The following TRAPPC8 variants were observed in gnomAD, a reference collection of about 807,000 sequenced individuals.
TRAPPC8 encodes the protein general sporulation gene 1 homolog.
Under a neutral mutation model 174.3 loss-of-function variants are expected in TRAPPC8, and 54 were observed. The observed-to-expected ratio is 0.31, with a 90% CI of 0.25 to 0.39. TRAPPC8 has a LOEUF of 0.39. TRAPPC8 is among the 10% of genes least tolerant of loss of function. The pLI, the probability that TRAPPC8 is intolerant of heterozygous loss-of-function variation, is 1.00. For synonymous variants in TRAPPC8, 630 were observed against 579.9 expected (o/e 1.09, Z -1.24); for missense variants, 1,531 against 1,699.1 (o/e 0.90, Z 1.74).
At chr18:31,919,762 G>A (rs1379771695) in intron 2 of TRAPPC8, among the ~76,000 whole-genome samples, 1 of 151,756 alleles carries the variant, frequency 6.6e-6, no homozygotes, top group Non-Finnish European at 1.5e-5. Context: ...TCGAGAGGCT[G>A]AGGTGGGAGG....
chr18:31,875,461 G>C (rs1057291363), intron 12 of TRAPPC8, among the ~76,000 whole-genome samples: 2 of 151,996 alleles, frequency 1.3e-5, no homozygotes, highest in Non-Finnish European at 2.9e-5. Context: ...CCAGTGTTGT[G>C]ACCACTGAAA....
At chr18:31,906,270 T>G (rs1247669304) in intron 9 of TRAPPC8, among the ~76,000 whole-genome samples, 12 of 123,844 alleles carry the variant, frequency 9.7e-5, no homozygotes, top group East Asian at 2.2e-4. Context: ...ACCCGGGAGG[T>G]GGAGGTTGCC....
At chr18:31,937,085 G>C (rs1249291958) in intron 1 of TRAPPC8, among the ~76,000 whole-genome samples, 1 of 151,482 alleles carries the variant, frequency 6.6e-6, no homozygotes, top group Non-Finnish European at 1.5e-5. Context: ...GTGGTGGTGG[G>C]CGCCTATAGT....
At chr18:31,875,985 C>T (rs978310569) in intron 12 of TRAPPC8, among the ~76,000 whole-genome samples, 1 of 152,018 alleles carries the variant, frequency 6.6e-6, no homozygotes, top group Admixed American at 6.6e-5. Flanking sequence ...TAAGACCTAG[C>T]GTTAGACAGA....
intron 10 of TRAPPC8, among the ~76,000 whole-genome samples, chr18:31,899,306 G>C (rs575186289): frequency 9.5e-4 from 145 of 152,256 alleles, no homozygotes; most frequent in African/African-American, 3.3e-3. Context: ...GATAACAATA[G>C]CATTCACGAT....
At chr18:31,909,610 C>A in intron 6 of TRAPPC8, 57 bp downstream of exon 6, 1 of 1,564,196 alleles carries the variant, frequency 6.4e-7, no homozygotes, top group Middle Eastern at 1.7e-4. Flanking sequence ...TTAGCATGAT[C>A]TGACAACAGT....
At chr18:31,888,748 T>C (rs977308790) in intron 12 of TRAPPC8, among the ~76,000 whole-genome samples, 1 of 151,982 alleles carries the variant, frequency 6.6e-6, no homozygotes, top group Non-Finnish European at 1.5e-5. Context: ...CAACACACAC[T>C]GGGGCCTGTT....
At chr18:31,908,202 C>CT in intron 8 of TRAPPC8, 101 bp downstream of exon 8, 1 of 602,882 alleles carries the variant, frequency 1.7e-6, no homozygotes, top group East Asian at 3.4e-5. Flanking sequence ...CAATAAGAAA[C>CT]TAAGAAATTA....
At position 31,862,195 on chromosome 18, in the gene TRAPPC8, T is replaced by C. The variant is rs2034363018; in HGVS notation, c.2745+2432A>G. On this transcript the variant is annotated intron_variant, in intron 19 of 28. Transcript: ENST00000283351. The stretch of plus-strand genomic sequence containing the variant: ...ACTCCTGACTCATTTCAATTCATCA[T>C]CAGCTTTTTAACTCCTAGGCTTTAC... Among the ~76,000 whole-genome samples the C allele has an allele frequency of 2.0e-5, 3 of 152,276 alleles. 1 individual carries two copies. Among genetic ancestry groups the C allele is most frequent in the Admixed American group, 2.0e-4 (3 of 15,294 alleles).
intron 13 of TRAPPC8, chr18:31,874,173 TTG>T (rs2035027875): frequency 2.5e-6 from 1 of 402,134 alleles, no homozygotes. Context: ...GTAAAATCAG[TTG>T]TGAGTCTATA....
chr18:31,897,681 C>A, intron 11 of TRAPPC8, 105 bp downstream of exon 11: 1 of 776,158 alleles, frequency 1.3e-6, no homozygotes, highest in Non-Finnish European at 1.8e-6. Flanking sequence ...GACAGATTTC[C>A]CTGGCTAATT....
chr18:31,935,940 T>C (rs181437065), intron 1 of TRAPPC8, among the ~76,000 whole-genome samples: 26 of 151,758 alleles, frequency 1.7e-4, no homozygotes, highest in East Asian at 1.6e-3. Context: ...GGTTTCGCCA[T>C]GTTGGCCACG....
chr18:31,880,522 CA>C (rs1225269929), intron 12 of TRAPPC8, among the ~76,000 whole-genome samples: 3 of 151,972 alleles, frequency 2.0e-5, no homozygotes, highest in Admixed American at 6.6e-5. Flanking sequence ...CCATATATGA[CA>C]AACTCACAGC....
intron 7 of TRAPPC8, 127 bp downstream of exon 7, chr18:31,908,627 T>C: frequency 9.6e-7 from 1 of 1,044,248 alleles, no homozygotes; most frequent in East Asian, 2.7e-5. Flanking sequence ...GATAGTAATT[T>C]TGGGAAGTCT....
chr18:31,870,750 A>G (rs1334993634), intron 15 of TRAPPC8, among the ~76,000 whole-genome samples, 176 bp downstream of exon 15: 3 of 152,192 alleles, frequency 2.0e-5, no homozygotes, highest in African/African-American at 7.2e-5. Context: ...TCACATTGCA[A>G]ATAGCTGTAG....
chr18:31,921,224 TAAC>T (rs1369071478), intron 2 of TRAPPC8, among the ~76,000 whole-genome samples: 2 of 152,090 alleles, frequency 1.3e-5, no homozygotes, highest in Admixed American at 6.6e-5. Flanking sequence ...CAAAGAGAAG[TAAC>T]AGAATAAATC....
chr18:31,873,439 G>A lies in TRAPPC8; in HGVS notation c.2053C>T (p.Pro685Ser). The A allele has an allele frequency of 6.2e-7, 1 of 1,612,130 alleles. No individual in the cohort carries two copies. The highest frequency in any genetic ancestry group is 1.1e-5 in the South Asian group (1 of 90,756). Residue 685 changes from proline (P) to serine (S), a missense_variant, in exon 14 of 29, where the codon CCA (proline) becomes TCA (serine). Pro to Ser is a moderately conservative substitution (Grantham distance 74). Transcript: ENST00000283351. ...TRVFFGHDRR[P>S]ADGEKQAATH... ...ATAAAACTTTACTAACCATCCGCTG[G>A]TCGTCTGTCATGGCCAAAAAAAACC...
intron 11 of TRAPPC8, among the ~76,000 whole-genome samples, chr18:31,891,497 T>C (rs977003281): frequency 3.9e-5 from 6 of 152,206 alleles, no homozygotes; most frequent in African/African-American, 1.4e-4. Context: ...CAAGTAAGTT[T>C]CCACTTCAAC....
At chr18:31,843,113 T>TA (rs1490783023) in intron 26 of TRAPPC8, among the ~76,000 whole-genome samples, 25 of 152,190 alleles carry the variant, frequency 1.6e-4, no homozygotes, top group Non-Finnish European at 2.9e-4. Flanking sequence ...AAAATGTTTC[T>TA]AAAACACTTT....
Sources: gnomAD v4.1 joint callset for allele counts (sites outside exome capture counted in the v4.1 genomes callset) on GRCh38, gnomAD v4.1.1 for gene constraint, MANE v1.5 for transcripts, NCBI Gene and HGNC (gene_info 2026-07-23, HGNC 2026-07-21) for gene names.